The following PARP6 variants were observed in gnomAD, a reference collection of about 807,000 sequenced individuals.
The protein encoded by PARP6 is poly(ADP-ribose) polymerase family member 6.
In PARP6, 27 loss-of-function variants were observed where a neutral mutation model predicts 92.0. That is an observed-to-expected ratio of 0.29 (90% CI 0.22 to 0.40). The LOEUF (loss-of-function observed/expected upper bound fraction) is 0.40. Ranked by LOEUF, PARP6 falls within the 10% of genes least tolerant of loss-of-function variation. The pLI, the probability that PARP6 is intolerant of heterozygous loss-of-function variation, is 1.00. For synonymous variants in PARP6, 272 were observed against 281.2 expected, an observed-to-expected ratio of 0.97 and a Z score of 0.33; for missense variants, 501 against 784.5, an observed-to-expected ratio of 0.64 and a Z score of 4.32.
At chr15:72,256,397 C>T in intron 14 of PARP6, 68 bp downstream of exon 14, 1 of 1,307,698 alleles carries the variant, frequency 7.6e-7, no homozygotes, top group Non-Finnish European at 1.0e-6. Flanking sequence ...ACCAGAATGT[C>T]AGCCCATAGT....
In PARP6 at chr15:72,241,786, C is replaced by T; in HGVS notation, c.1790+115G>A. 1 of 855,632 alleles carries T rather than the reference C, an allele frequency of 1.2e-6. No homozygotes were observed. Among genetic ancestry groups the T allele is most frequent in the Non-Finnish European group, 2.0e-6 (1 of 507,166 alleles). 53.0% of individuals were successfully genotyped at this position (855,632 alleles called of 1,614,324 possible). On this transcript the variant is annotated intron_variant, in intron 23 of 23. Coordinates refer to ENST00000569795, the MANE Select transcript of PARP6 (RefSeq NM_001323532.2). This position sits in a 1 kb window ranked among gnomAD's most constrained non-coding sequence, Gnocchi z 4.1. ...GTAAAGTCCCAGTGACAGCTCCACTCAGGTAGCCAAGGACATGTCTCAGAT... is the reference window on the plus strand; with the variant it reads ...GTAAAGTCCCAGTGACAGCTCCACTTAGGTAGCCAAGGACATGTCTCAGAT...
At chr15:72,266,039 G>A (rs922493401) in intron 4 of PARP6, 48 bp from the exon 5 acceptor site, 2 of 1,173,060 alleles carry the variant, frequency 1.7e-6, no homozygotes, top group Non-Finnish European at 1.3e-6. Context: ...AAAAAGACGA[G>A]GGAAAGAGAG....
chr15:72,256,239 G>A (rs1356522934), intron 14 of PARP6, among the ~76,000 whole-genome samples: 2 of 152,176 alleles, frequency 1.3e-5, no homozygotes, highest in East Asian at 3.8e-4. Flanking sequence ...ATCCAGGTCT[G>A]TCTGGCTCCA....
intron 15 of PARP6, chr15:72,253,714 A>G (rs1419127611): frequency 2.9e-6 from 2 of 684,444 alleles, no homozygotes; most frequent in Non-Finnish European, 5.3e-6. Context: ...AGATGCTTAC[A>G]AAACAACATG....
intron 2 of PARP6, among the ~76,000 whole-genome samples, chr15:72,269,229 C>T (rs899987919): frequency 2.6e-5 from 4 of 152,076 alleles, no homozygotes; most frequent in Non-Finnish European, 5.9e-5. Context: ...GGTGCGATCT[C>T]GGCTCACTGC....
At chr15:72,245,940 A>G (rs2083550829) in intron 20 of PARP6, among the ~76,000 whole-genome samples, 2 of 152,190 alleles carry the variant, frequency 1.3e-5, no homozygotes, top group Non-Finnish European at 2.9e-5. Flanking sequence ...CACTACTCGG[A>G]AAGACAAAAG....
Position 72,242,328 on chromosome 15 carries a change from G to C in PARP6, c.1642-108C>G. ...GGAGTGGGGATCAGAGATATCCTGG[G>C]CTCCCAGCAACACCCCTCGCCGCCC... On this transcript the variant is annotated intron_variant, in intron 21 of 23. Transcript: ENST00000569795. This position sits in a 1 kb window ranked among gnomAD's most constrained non-coding sequence, Gnocchi z 4.3. The C allele has an allele frequency of 2.3e-6, 2 of 887,820 alleles. No homozygotes were observed. The highest frequency in any genetic ancestry group is 1.4e-5 in the South Asian group (1 of 70,826). 55.0% of individuals were successfully genotyped at this position (887,820 alleles called of 1,614,324 possible).
chr15:72,270,959 C>T (rs1318895895), intron 2 of PARP6, 64 bp downstream of exon 2: 2 of 152,148 alleles, frequency 1.3e-5, no homozygotes, highest in African/African-American at 4.8e-5. Context: ...ATACAATAAC[C>T]TGCATGTTTC....
At chr15:72,266,986 C>T in intron 3 of PARP6, 164 bp from the exon 4 acceptor site, 1 of 604,238 alleles carries the variant, frequency 1.7e-6, no homozygotes, top group Admixed American at 2.8e-5. Flanking sequence ...TTGTGAGAGT[C>T]TCAGTCTCTT....
At chr15:72,248,892 T>C (rs1388725443) in intron 20 of PARP6, among the ~76,000 whole-genome samples, 4 of 152,220 alleles carry the variant, frequency 2.6e-5, no homozygotes, top group Non-Finnish European at 5.9e-5. Flanking sequence ...TCAGATGTTT[T>C]CACATGTAAA....
intron 11 of PARP6, among the ~76,000 whole-genome samples, 191 bp downstream of exon 11, chr15:72,259,417 G>A (rs1470581994): frequency 6.6e-6 from 1 of 152,176 alleles, no homozygotes; most frequent in Non-Finnish European, 1.5e-5. Context: ...GATCATAAGT[G>A]GTAAGTATTG....
Position 72,249,227 on chromosome 15 carries a change from C to A in PARP6, c.1561+18G>T. 6.6e-7 allele frequency: 1 copy of A among 1,511,242 alleles called. No homozygotes were observed. The highest frequency in any genetic ancestry group is 2.3e-5 in the East Asian group (1 of 43,848). The allele number at this position is 1,511,242 out of a possible 1,614,324, so 93.6% of individuals were successfully genotyped here. A position where few individuals can be genotyped will look rare whatever the true frequency, so the allele number is the denominator to read the frequency against. ...GGCAATGTAAATAGAGTCAAGGTGG[C>A]CACAGAATATTTCTTACCTGAGTAT... is the stretch of plus-strand genomic sequence containing the variant. On this transcript the variant is annotated intron_variant, in intron 20 of 23. Transcript: ENST00000569795.
chr15:72,266,303 C>T (rs2086580955), intron 4 of PARP6, among the ~76,000 whole-genome samples: 1 of 152,180 alleles, frequency 6.6e-6, no homozygotes, highest in Non-Finnish European at 1.5e-5. Flanking sequence ...TATGACAACT[C>T]AGAACAGGCT....
At chr15:72,270,347 G>A (rs952321086) in intron 2 of PARP6, among the ~76,000 whole-genome samples, 3 of 152,024 alleles carry the variant, frequency 2.0e-5, no homozygotes, top group Non-Finnish European at 4.4e-5. Flanking sequence ...GCTATGTGAC[G>A]TACATGATGG....
intron 12 of PARP6, 106 bp from the exon 13 acceptor site, chr15:72,257,546 T>G: frequency 2.4e-6 from 2 of 821,992 alleles, no homozygotes; most frequent in East Asian, 2.5e-5. Flanking sequence ...GGGTAGGAAT[T>G]TGAGGCCCTC....
At chr15:72,253,948 A>G (rs1343322239) in intron 15 of PARP6, 3 of 443,286 alleles carry the variant, frequency 6.8e-6, no homozygotes, top group African/African-American at 6.0e-5. Context: ...GAAGAGGCCC[A>G]CCTGTAAATG....
intron 10 of PARP6, among the ~76,000 whole-genome samples, chr15:72,260,119 CAA>C (rs1229869162): frequency 1.3e-5 from 2 of 152,122 alleles, no homozygotes; most frequent in Non-Finnish European, 2.9e-5. Flanking sequence ...CTCAGGAGTT[CAA>C]GACTACCCTG....
chr15:72,264,953 G>A, intron 7 of PARP6, 128 bp downstream of exon 7: 3 of 655,864 alleles, frequency 4.6e-6, no homozygotes, highest in South Asian at 3.7e-5. Context: ...GGACTAAAAA[G>A]CCCCTACCAA....
chr15:72,259,727 T>G, intron 10 of PARP6, 66 bp from the exon 11 acceptor site: 1 of 1,362,736 alleles, frequency 7.3e-7, no homozygotes, highest in South Asian at 1.2e-5. Context: ...CAGACCTGAC[T>G]CTTGCCTATC....
Sources: gnomAD v4.1 joint callset for allele counts (sites outside exome capture counted in the v4.1 genomes callset) on GRCh38, gnomAD v4.1.1 for gene constraint, Gnocchi (gnomAD v3.1) non-coding constraint, MANE v1.5 for transcripts, NCBI Gene and HGNC (gene_info 2026-07-23, HGNC 2026-07-21) for gene names.